Variants in CDH18 observed in about 807,000 individuals in gnomAD.
CDH18 encodes cadherin 18.
CDH18 carries 31 observed loss-of-function variants against 67.9 expected under a neutral mutation model. The ratio of observed to expected loss-of-function variants is 0.46; its 90% confidence interval spans 0.34 to 0.62. The LOEUF is 0.62. Among genes scored for constraint, CDH18 ranks in the 20% least tolerant of loss-of-function variants. CDH18 has a pLI of 0.01. For synonymous variants in CDH18, 362 were observed against 347.2 expected (o/e 1.04, Z -0.48); for missense variants, 890 against 975.5 (o/e 0.91, Z 1.17).
chr5:20,243,643 C>T (rs1580566573), intron 2 of CDH18, among the ~76,000 whole-genome samples: 1 of 151,956 alleles, frequency 6.6e-6, no homozygotes, highest in Non-Finnish European at 1.5e-5. Flanking sequence ...AAAAAAGAGT[C>T]CTAGCCACCC....
chr5:19,984,923 A>C (rs1027722982), intron 1 of CDH18, among the ~76,000 whole-genome samples: 7 of 152,294 alleles, frequency 4.6e-5, no homozygotes, highest in Non-Finnish European at 1.0e-4. Flanking sequence ...TACTCCAAGC[A>C]TATAGAATAA....
chr5:19,907,700 A>G, intron 2 of CDH18, among the ~76,000 whole-genome samples: 1 of 152,032 alleles, frequency 6.6e-6, no homozygotes, highest in East Asian at 1.9e-4. Flanking sequence ...TTCACCTACA[A>G]TTTCCAACTG....
Position 20,536,361 on chromosome 5 carries a change from G to T in CDH18, c.-580+39101C>A, listed in dbSNP as rs541383562. Among the ~76,000 whole-genome samples, 23 of 152,186 alleles carry T rather than the reference G, an allele frequency of 1.5e-4. No homozygotes were observed. In the South Asian group the frequency reaches 3.9e-3, roughly 26 times the overall value. On this transcript the variant is annotated intron_variant, in intron 1 of 14. Transcript: ENST00000507958. The stretch of plus-strand genomic sequence containing the variant: ...TTCTTCTGTATTTTTATAAGAATAG[G>T]TGATAAGAATGTCAATGCTCAGGAT...
chr5:19,536,206 A>G (rs1749396196), intron 9 of CDH18, among the ~76,000 whole-genome samples: 1 of 152,188 alleles, frequency 6.6e-6, no homozygotes, highest in Non-Finnish European at 1.5e-5. Context: ...AAATACTACA[A>G]TGAAATGCAA....
chr5:20,114,994 A>T (rs376677407), intron 2 of CDH18, among the ~76,000 whole-genome samples: 1 of 152,158 alleles, frequency 6.6e-6, no homozygotes, highest in African/African-American at 2.4e-5. Flanking sequence ...ATGAAAGGAA[A>T]TGAGGAGAGT....
chr5:19,808,761 G>A (rs748588554), intron 3 of CDH18, among the ~76,000 whole-genome samples: 75 of 149,344 alleles, frequency 5.0e-4, no homozygotes, highest in Non-Finnish European at 3.7e-4. Context: ...AACCCGGGAG[G>A]TGGAGCTTGT....
intron 3 of CDH18, among the ~76,000 whole-genome samples, chr5:19,750,918 C>T (rs948037004): frequency 6.6e-6 from 1 of 151,752 alleles, no homozygotes; most frequent in Non-Finnish European, 1.5e-5. Flanking sequence ...TGTCCTAAAG[C>T]AAGAAGAGAT....
chr5:20,225,697 T>C (rs1404058203), intron 2 of CDH18, among the ~76,000 whole-genome samples: 1 of 152,066 alleles, frequency 6.6e-6, no homozygotes, highest in African/African-American at 2.4e-5. Flanking sequence ...TGATGTCAAG[T>C]ACAGGAGAGC....
intron 1 of CDH18, among the ~76,000 whole-genome samples, chr5:20,446,482 C>T (rs1490872636): frequency 1.3e-5 from 2 of 152,086 alleles, no homozygotes; most frequent in African/African-American, 4.8e-5. Context: ...AAAGTTTGCT[C>T]AAGTGAGGAG....
At chr5:19,825,781 G>A (rs1780342359) in intron 3 of CDH18, among the ~76,000 whole-genome samples, 1 of 152,070 alleles carries the variant, frequency 6.6e-6, no homozygotes, top group Admixed American at 6.6e-5. Context: ...CAACACAGAT[G>A]AGAAAAAAAC....
intron 2 of CDH18, among the ~76,000 whole-genome samples, chr5:20,192,882 G>C (rs1738660833): frequency 6.6e-6 from 1 of 152,118 alleles, no homozygotes; most frequent in East Asian, 1.9e-4. Context: ...TTCTAATTCT[G>C]TGAAGAATGT....
At chr5:20,099,439 A>G (rs1359303312) in intron 2 of CDH18, among the ~76,000 whole-genome samples, 1 of 152,220 alleles carries the variant, frequency 6.6e-6, no homozygotes, top group Non-Finnish European at 1.5e-5. Flanking sequence ...TGATCTACTG[A>G]GGTCCTATTA....
chr5:20,521,808 T>TACACACACACACACAC (rs111371227), intron 1 of CDH18, among the ~76,000 whole-genome samples: 2 of 149,884 alleles, frequency 1.3e-5, no homozygotes, highest in South Asian at 4.2e-4. Context: ...CACACACACA[T>TACACACACACACACAC]ACACACACAC....
At chr5:20,145,550 A>T (rs1750577258) in intron 2 of CDH18, among the ~76,000 whole-genome samples, 2 of 152,190 alleles carry the variant, frequency 1.3e-5, no homozygotes, top group African/African-American at 4.8e-5. Flanking sequence ...AGGTGTGCTG[A>T]TTTAAATTTT....
At chr5:20,545,001 G>C (rs568944555) in intron 1 of CDH18, among the ~76,000 whole-genome samples, 3 of 152,308 alleles carry the variant, frequency 2.0e-5, no homozygotes, top group African/African-American at 7.2e-5. Context: ...AAATGCTCCT[G>C]TTCCAAATGA....
chr5:20,484,970 T>C (rs926738464), intron 1 of CDH18, among the ~76,000 whole-genome samples: 3 of 152,116 alleles, frequency 2.0e-5, no homozygotes, highest in Non-Finnish European at 4.4e-5. Context: ...AGAAATGATA[T>C]ATTCTTGAGG....
At chr5:20,111,698 C>T (rs1261372990) in intron 2 of CDH18, among the ~76,000 whole-genome samples, 1 of 151,814 alleles carries the variant, frequency 6.6e-6, no homozygotes, top group Non-Finnish European at 1.5e-5. Flanking sequence ...GAGTGCGCCA[C>T]CACACCCAGC....
chr5:20,543,847 T>G (rs1282970766), intron 1 of CDH18, among the ~76,000 whole-genome samples: 1 of 152,192 alleles, frequency 6.6e-6, no homozygotes, highest in African/African-American at 2.4e-5. Flanking sequence ...ATATTCTGGC[T>G]AAACAAATAC....
intron 8 of CDH18, among the ~76,000 whole-genome samples, chr5:19,559,913 T>C (rs1375933663): frequency 4.0e-5 from 5 of 126,168 alleles, no homozygotes; most frequent in Admixed American, 7.7e-5. Context: ...TTATAATAGT[T>C]GCAAAAACAA....
Sources: gnomAD v4.1 joint callset for allele counts (sites outside exome capture counted in the v4.1 genomes callset) on GRCh38, gnomAD v4.1.1 for gene constraint, MANE v1.5 for transcripts, NCBI Gene and HGNC (gene_info 2026-07-23, HGNC 2026-07-21) for gene names.